HOXB13: variants seen among roughly 807,000 people sequenced by gnomAD.
HOXB13 encodes homeobox B13, also known as homeobox protein Hox-B13.
Under a neutral mutation model 23.1 loss-of-function variants are expected in HOXB13, and 22 were observed. That is an observed-to-expected ratio of 0.95 (90% CI 0.68 to 1.36). The LOEUF (loss-of-function observed/expected upper bound fraction) is 1.36. Among genes scored for constraint, HOXB13 ranks in the 40% most tolerant of loss-of-function variants. HOXB13 has a pLI of 0.00. For synonymous variants in HOXB13, 173 were observed against 157.9 expected (o/e 1.10, Z -0.72); for missense variants, 386 against 376.2 (o/e 1.03, Z -0.22).
In HOXB13 at chr17:48,725,866, T is replaced by G. The variant is rs2038202637; in HGVS notation, c.*924A>C. ...TCCAGAATTCCGCACTGTGAATCTG[T>G]CTACGTGGACTGGGAAAACAGGGTT... On this transcript the variant is annotated 3_prime_UTR_variant, in exon 2 of 2. Coordinates refer to ENST00000290295, the MANE Select transcript of HOXB13 (RefSeq NM_006361.6). The G allele has an allele frequency of 6.6e-6, 1 of 152,242 alleles. No individual in the cohort carries two copies. The highest frequency in any genetic ancestry group is 1.5e-5 in the Non-Finnish European group (1 of 68,064). 9.4% of individuals were successfully genotyped at this position (152,242 alleles called of 1,614,324 possible).
In HOXB13 at chr17:48,728,639, G is replaced by C. The variant is rs1171201803; in HGVS notation, c.-46C>G. On this transcript the variant is annotated 5_prime_UTR_variant, in exon 1 of 2. Transcript: ENST00000290295. ...GAGGTGCGGGGGCGGGGAATCTAGG[G>C]GGCACCCAGCTCGCTCTCCCCACCC... The C allele has an allele frequency of 1.2e-6, 2 of 1,600,674 alleles. No homozygotes were observed. The highest frequency in any genetic ancestry group is 2.2e-5 in the East Asian group (1 of 44,762).
chr17:48,728,182 G>A lies in HOXB13; in HGVS notation c.412C>T (p.Gln138Ter), dbSNP rs1430593599. The change falls in exon 1 of 2, where the codon CAG becomes TAG. Residue 138 changes from glutamine (Q) to a stop codon, truncating the protein, a stop_gained. Transcript: ENST00000290295. LOFTEE classifies it high-confidence loss of function. ...AFYPGYPGTY[Q>*]PMASYLDVSV... ...ACGTCCAGGTAACTGGCCATAGGCT[G>A]GTAGGTTCCCGGATATCCCGGATAG... 3 of 1,614,094 alleles carry A rather than the reference G, an allele frequency of 1.9e-6. No individual in the cohort carries two copies. The highest frequency in any genetic ancestry group is 2.5e-6 in the Non-Finnish European group (3 of 1,180,046).
chr17:48,727,355 T>G (rs2038222775), intron 1 of HOXB13, among the ~76,000 whole-genome samples: 1 of 152,062 alleles, frequency 6.6e-6, no homozygotes, highest in African/African-American at 2.4e-5. Context: ...ACGTCCAGTC[T>G]TCATGCATTT....
In HOXB13 at chr17:48,726,949, C is replaced by T. The variant is rs1597932804; in HGVS notation, c.696G>A (p.Glu232=). The change falls in exon 2 of 2, where the codon GAG becomes GAA. Residue 232 remains glutamate, a synonymous_variant. Coordinates refer to ENST00000290295, the MANE Select transcript of HOXB13 (RefSeq NM_006361.6). ...TGAACTTGTTAGCCGCATACTCCCG[C>T]TCCAGCTCCCGCAACTGCCCCTTGC... ...PYSKGQLREL[E]REYAANKFIT... is the part of the protein sequence containing the mutation. 1.2e-6 allele frequency: 2 copies of T among 1,613,854 alleles called. No homozygotes were observed. The highest frequency in any genetic ancestry group is 1.7e-6 in the Non-Finnish European group (2 of 1,180,028).
chr17:48,728,426 C>G lies in HOXB13; in HGVS notation c.168G>C (p.Ser56=), dbSNP rs1325861190. 1 of 1,613,340 alleles carries G rather than the reference C, an allele frequency of 6.2e-7. No individual in the cohort carries two copies. The highest frequency in any genetic ancestry group is 1.3e-5 in the African/African-American group (1 of 75,050). Residue 56 remains serine, a synonymous_variant, in exon 1 of 2, where the codon TCG becomes TCC. Transcript: ENST00000290295. ...VNYAPLDLPG[S]AEPPKQCHPC... ...GGTGGCATTGCTTTGGCGGCTCCGC[C>G]GAGCCTGGCAGATCCAAGGGGGCAT...
Position 48,726,663 on chromosome 17 carries a change from G to T in HOXB13, c.*127C>A. On this transcript the variant is annotated 3_prime_UTR_variant, in exon 2 of 2. Transcript: ENST00000290295. ...CTGAGGAACAGTCCAGCAGCCAGTG[G>T]CCTGGGAAGGGTGTTGTCTCTAGGG... 2.5e-6 allele frequency: 3 copies of T among 1,198,890 alleles called. No individual in the cohort carries two copies. Among genetic ancestry groups the T allele is most frequent in the Non-Finnish European group, 3.5e-6 (3 of 865,892 alleles). 74.3% of individuals were successfully genotyped at this position (1,198,890 alleles called of 1,614,324 possible).
chr17:48,727,614 C>G (rs1046587051), intron 1 of HOXB13, among the ~76,000 whole-genome samples: 1 of 152,200 alleles, frequency 6.6e-6, no homozygotes, highest in African/African-American at 2.4e-5. Flanking sequence ...CACACCCACT[C>G]CCCACGCACC....
chr17:48,726,775 A>T lies in HOXB13; in HGVS notation c.*15T>A, dbSNP rs776879752. ...ACCCCCACTTTCGCTCCTCCCACCC[A>T]GGCAAGGAGATCTCTTAAGGGGTAG... On this transcript the variant is annotated 3_prime_UTR_variant, in exon 2 of 2. Coordinates refer to ENST00000290295, the MANE Select transcript of HOXB13 (RefSeq NM_006361.6). 1 of 1,611,152 alleles carries T rather than the reference A, an allele frequency of 6.2e-7. No individual in the cohort carries two copies. The highest frequency in any genetic ancestry group is 1.3e-5 in the African/African-American group (1 of 74,808).
Position 48,728,344 on chromosome 17 carries a change from C to T in HOXB13, c.250G>A (p.Gly84Arg). The T allele has an allele frequency of 1.2e-6, 2 of 1,614,018 alleles. No homozygotes were observed. The highest frequency in any genetic ancestry group is 1.6e-4 in the Middle Eastern group (1 of 6,062). Residue 84 changes from glycine to arginine, a missense_variant, in exon 1 of 2, where the codon GGA (glycine) becomes AGA (arginine). Physicochemically the swap from Gly to Arg is moderately radical, Grantham distance 125 (BLOSUM62 -2). Transcript: ENST00000290295. ...SPAPVPYGYF[G>R]GGYYSCRVSR... ...ACTCGGCAGGAGTAGTACCCGCCTC[C>T]AAAGTAACCATAAGGCACGGGAGCT...
Position 48,728,417 on chromosome 17 carries a change from C to T in HOXB13, c.177G>A (p.Pro59=), listed in dbSNP as rs779780541. The T allele has an allele frequency of 6.5e-5, 105 of 1,613,190 alleles. No individual in the cohort carries two copies. Among genetic ancestry groups the T allele is most frequent in the Non-Finnish European group, 7.8e-5 (92 of 1,179,808 alleles). The change falls in exon 1 of 2, where the codon CCG becomes CCA. Residue 59 remains proline, a synonymous_variant. Transcript: ENST00000290295. The part of the protein sequence containing the change: ...APLDLPGSAE[P]PKQCHPCPGV... ...CAGGGCATGGGTGGCATTGCTTTGG[C>T]GGCTCCGCCGAGCCTGGCAGATCCA...
chr17:48,728,158 C>T lies in HOXB13; in HGVS notation c.436G>A (p.Val146Met), dbSNP rs587780162. 30 of 1,614,200 alleles carry T rather than the reference C, an allele frequency of 1.9e-5. No homozygotes were observed. The highest frequency in any genetic ancestry group is 2.4e-5 in the Non-Finnish European group (28 of 1,180,042). Reference protein sequence around the residue: ...TYQPMASYLDVSVVQTLGAPG... With the variant: ...TYQPMASYLDMSVVQTLGAPG... ...GCACCCAGAGTCTGCACCACAGACACGTCCAGGTAACTGGCCATAGGCTGG... is the reference window on the plus strand; with the variant it reads ...GCACCCAGAGTCTGCACCACAGACATGTCCAGGTAACTGGCCATAGGCTGG... Residue 146 changes from valine to methionine, a missense_variant, in exon 1 of 2, where the codon GTG (valine) becomes ATG (methionine). Val to Met is a conservative substitution (Grantham distance 21). Transcript: ENST00000290295.
In HOXB13 at chr17:48,728,661, A is replaced by G. The variant is rs1027682164; in HGVS notation, c.-68T>C. 4.6e-6 allele frequency: 7 copies of G among 1,522,788 alleles called. No homozygotes were observed. The East Asian group carries it at 1.1e-4, about 25-fold the overall frequency. 94.3% of individuals were successfully genotyped at this position (1,522,788 alleles called of 1,614,324 possible). On this transcript the variant is annotated 5_prime_UTR_variant, in exon 1 of 2. Transcript: ENST00000290295. Reference sequence around the variant, plus strand: ...AGGGGGCACCCAGCTCGCTCTCCCCACCCAGGCCGGGGGAATCCAAAGCGT... The same window carrying G: ...AGGGGGCACCCAGCTCGCTCTCCCCGCCCAGGCCGGGGGAATCCAAAGCGT...
At position 48,728,612 on chromosome 17, in the gene HOXB13, A is replaced by C. The variant is rs1597935507; in HGVS notation, c.-19T>G. The C allele has an allele frequency of 6.2e-7, 1 of 1,610,708 alleles. No homozygotes were observed. Among genetic ancestry groups the C allele is most frequent in the Non-Finnish European group, 8.5e-7 (1 of 1,179,534 alleles). ...GCTCCATGGAGCCGAGGGTCGGCTC[A>C]TGAGGTGCGGGGGCGGGGAATCTAG... is the stretch of plus-strand genomic sequence containing the variant. On this transcript the variant is annotated 5_prime_UTR_variant, in exon 1 of 2. An upstream start codon of the reference 5' UTR is lost. Transcript: ENST00000290295.
rs138213197 is a variant in HOXB13 at position 48,728,343 on chromosome 17, C to T, written c.251G>A (p.Gly84Glu). 1.7e-3 allele frequency: 2,798 copies of T among 1,613,966 alleles called. 5 individuals carry two copies. The highest frequency in any genetic ancestry group is 1.9e-3 in the Non-Finnish European group (2,185 of 1,180,006). The change falls in exon 1 of 2, where the codon GGA becomes GAA. Residue 84 changes from glycine to glutamate, a missense_variant. By Grantham distance (98) the Gly-to-Glu change is moderately conservative. Coordinates refer to ENST00000290295, the MANE Select transcript of HOXB13 (RefSeq NM_006361.6). The part of the protein sequence containing the change: ...SPAPVPYGYF[G>E]GGYYSCRVSR... The stretch of plus-strand genomic sequence containing the variant: ...CACTCGGCAGGAGTAGTACCCGCCT[C>T]CAAAGTAACCATAAGGCACGGGAGC...
rs1326620859 is a variant in HOXB13, at chr17:48,726,783, A to C, written c.*7T>G. 1 of 1,612,292 alleles carries C rather than the reference A, an allele frequency of 6.2e-7. No homozygotes were observed. Among genetic ancestry groups the C allele is most frequent in the Non-Finnish European group, 8.5e-7 (1 of 1,178,602 alleles). On this transcript the variant is annotated 3_prime_UTR_variant, in exon 2 of 2. Coordinates refer to ENST00000290295, the MANE Select transcript of HOXB13 (RefSeq NM_006361.6). ...TTTCGCTCCTCCCACCCAGGCAAGG[A>C]GATCTCTTAAGGGGTAGCGCTGTTC...
intron 1 of HOXB13, among the ~76,000 whole-genome samples, chr17:48,727,272 C>T (rs1239154769): frequency 6.6e-6 from 1 of 152,190 alleles, no homozygotes; most frequent in African/African-American, 2.4e-5. Flanking sequence ...TCACCCATCA[C>T]TGCTCTCACA....
intron 1 of HOXB13, among the ~76,000 whole-genome samples, chr17:48,727,526 GA>G (rs895967113): frequency 2.1e-4 from 32 of 152,032 alleles, no homozygotes; most frequent in Non-Finnish European, 4.0e-4. Flanking sequence ...TTTTTCTTTG[GA>G]AATTGGAAAA....
intron 1 of HOXB13, 41 bp downstream of exon 1, chr17:48,727,952 C>T: frequency 6.3e-7 from 1 of 1,586,174 alleles, no homozygotes; most frequent in Non-Finnish European, 8.6e-7. Context: ...GACCCACAAC[C>T]CCAGGCTCAG....
chr17:48,724,879 A>G lies in HOXB13; in HGVS notation c.*1911T>C, dbSNP rs1386330541. ...GGAGTCCAGAGGTTCCAGACCCCCA[A>G]AGGTCTCTACCAGGGCCATCTCCGT... On this transcript the variant is annotated 3_prime_UTR_variant, in exon 2 of 2. Transcript: ENST00000290295. The G allele has an allele frequency of 1.5e-5, 6 of 400,066 alleles. No individual in the cohort carries two copies. Among genetic ancestry groups the G allele is most frequent in the African/African-American group, 4.1e-5 (2 of 48,642 alleles). The allele number at this position is 400,066 out of a possible 1,614,324, so 24.8% of individuals were successfully genotyped here. A position where few individuals can be genotyped will look rare whatever the true frequency, so the allele number is the denominator to read the frequency against.
Sources: allele counts gnomAD v4.1 joint callset (sites outside exome capture counted in the v4.1 genomes callset), GRCh38; gene constraint gnomAD v4.1.1; transcripts MANE v1.5; gene names NCBI Gene and HGNC (gene_info 2026-07-23, HGNC 2026-07-21).